The following NTRK3 variants were observed in gnomAD, a reference collection of about 807,000 sequenced individuals.
The protein encoded by NTRK3 is NT-3 growth factor receptor.
In NTRK3, 24 loss-of-function variants were observed where a neutral mutation model predicts 91.7. That is an observed-to-expected ratio of 0.26 (90% confidence interval 0.19 to 0.37). The LOEUF (loss-of-function observed/expected upper bound fraction) is 0.37, where lower values mean the gene tolerates loss of function less well. Among genes scored for constraint, NTRK3 ranks in the 10% least tolerant of loss-of-function variants. The pLI is 1.00. For synonymous variants in NTRK3, 483 were observed against 404.0 expected, an observed-to-expected ratio of 1.20 and a Z score of -2.34; for missense variants, 880 against 1,068.9, an observed-to-expected ratio of 0.82 and a Z score of 2.46.
chr15:87,938,190 A>G (rs956846735), intron 15 of NTRK3, among the ~76,000 whole-genome samples: 9 of 152,246 alleles, frequency 5.9e-5, no homozygotes, highest in African/African-American at 2.2e-4. Context: ...CCCTCTCCCC[A>G]GCAGGCTGTA....
At chr15:88,103,474 G>C (rs1402744454) in intron 13 of NTRK3, among the ~76,000 whole-genome samples, 1 of 152,176 alleles carries the variant, frequency 6.6e-6, no homozygotes, top group Admixed American at 6.5e-5. Flanking sequence ...TGGTATGAGA[G>C]AGGCAGAGAA....
At chr15:87,977,414 T>G (rs751511620) in intron 14 of NTRK3, 1 of 208,226 alleles carries the variant, frequency 4.8e-6, no homozygotes, top group Non-Finnish European at 9.8e-6. Context: ...TGAACACTCC[T>G]ATAAGTCTCT....
intron 17 of NTRK3, among the ~76,000 whole-genome samples, chr15:87,914,499 A>T (rs1277739414): frequency 6.6e-6 from 1 of 152,224 alleles, no homozygotes; most frequent in Non-Finnish European, 1.5e-5. Context: ...AAGTGGGGAC[A>T]TTACTCTTTT....
intron 14 of NTRK3, among the ~76,000 whole-genome samples, chr15:88,015,389 G>T (rs2077159142): frequency 1.3e-5 from 2 of 151,824 alleles, no homozygotes; most frequent in African/African-American, 4.8e-5. Flanking sequence ...CTCCAGCCCT[G>T]CCCCCACCAA....
intron 6 of NTRK3, among the ~76,000 whole-genome samples, chr15:88,139,810 C>T (rs978520930): frequency 6.6e-6 from 1 of 151,816 alleles, no homozygotes; most frequent in Admixed American, 6.6e-5. Flanking sequence ...ATGCACTCTC[C>T]ACCCCATCTG....
chr15:88,205,546 C>T (rs1403004470), intron 3 of NTRK3, among the ~76,000 whole-genome samples: 1 of 152,120 alleles, frequency 6.6e-6, no homozygotes, highest in Non-Finnish European at 1.5e-5. Flanking sequence ...GTATATCATC[C>T]TAGGGATACA....
exon 10 of NTRK3, chr15:88,135,345 G>A (rs757801369): frequency 1.2e-6 from 2 of 1,614,222 alleles, no homozygotes; most frequent in Non-Finnish European, 1.7e-6. Context: ...CAAACTCGAT[G>A]CAGTGCTCCA....
intron 14 of NTRK3, among the ~76,000 whole-genome samples, chr15:87,982,592 G>C (rs2074382852): frequency 1.3e-5 from 2 of 152,312 alleles, no homozygotes; most frequent in African/African-American, 4.8e-5. Context: ...AAGCAAGCCA[G>C]AGGCTCTGGG....
At chr15:87,929,236 C>G (rs2068583487) in exon 17 of NTRK3, 1 of 1,614,070 alleles carries the variant, frequency 6.2e-7, no homozygotes, top group Admixed American at 1.7e-5. Context: ...TGCCGAAGTC[C>G]CCAATCTTCA....
chr15:88,058,303 T>C (rs1192575735), intron 13 of NTRK3, among the ~76,000 whole-genome samples: 1 of 152,218 alleles, frequency 6.6e-6, no homozygotes, highest in Non-Finnish European at 1.5e-5. Flanking sequence ...TTGGGGAGGT[T>C]ACTTAACGTC....
intron 17 of NTRK3, among the ~76,000 whole-genome samples, chr15:87,901,810 G>A (rs1235650380): frequency 6.6e-6 from 1 of 151,838 alleles, no homozygotes; most frequent in Non-Finnish European, 1.5e-5. Flanking sequence ...AAAAAGGAGA[G>A]GAAGAGGTTA....
At chr15:87,918,558 A>T (rs1021845148) in intron 17 of NTRK3, among the ~76,000 whole-genome samples, 1 of 152,120 alleles carries the variant, frequency 6.6e-6, no homozygotes, top group African/African-American at 2.4e-5. Flanking sequence ...ACCCCTCAAG[A>T]CCCATGCCAT....
At chr15:87,891,545 TTA>T (rs1336268436) in intron 17 of NTRK3, among the ~76,000 whole-genome samples, 1 of 152,172 alleles carries the variant, frequency 6.6e-6, no homozygotes, top group Admixed American at 6.5e-5. Context: ...TGGTTTTAGT[TTA>T]TCTTTCCATT....
chr15:88,152,864 C>G (rs529285820), intron 5 of NTRK3, among the ~76,000 whole-genome samples: 14 of 152,338 alleles, frequency 9.2e-5, no homozygotes, highest in African/African-American at 3.1e-4. Flanking sequence ...TGCCCACCCC[C>G]TGGGTGTACT....
At chr15:87,909,506 A>G (rs982140586) in intron 17 of NTRK3, among the ~76,000 whole-genome samples, 2 of 152,186 alleles carry the variant, frequency 1.3e-5, no homozygotes, top group Admixed American at 1.3e-4. Flanking sequence ...CATCCAGTGA[A>G]GACAATGAAA....
chr15:88,165,888 C>T (rs936510737), intron 5 of NTRK3, among the ~76,000 whole-genome samples: 2 of 152,256 alleles, frequency 1.3e-5, no homozygotes, highest in African/African-American at 4.8e-5. Flanking sequence ...TGCACATGCG[C>T]ATGAGCAAGA....
At chr15:87,892,113 C>CACACACACACAG (rs1555430907) in intron 17 of NTRK3, among the ~76,000 whole-genome samples, 1 of 151,062 alleles carries the variant, frequency 6.6e-6, no homozygotes, top group African/African-American at 2.4e-5. Flanking sequence ...CACACACACA[C>CACACACACACAG]GCACGCACAC....
At chr15:87,880,225 T>A (rs2065168298) in intron 18 of NTRK3, 45 bp downstream of exon 19, 3 of 1,613,114 alleles carry the variant, frequency 1.9e-6, no homozygotes, top group Non-Finnish European at 2.5e-6. Context: ...AGATAGCTCT[T>A]ATGAGCCCTC....
Position 87,877,322 on chromosome 15 carries a change from G to C in NTRK3, c.2293-202C>G, listed in dbSNP as rs146026662. ...CACAGTGCAGTGAGCAGCAGTGGCT[G>C]GTGGAGTCCTCTGCTGCCCTTCATA... On this transcript the variant is annotated intron_variant, in intron 18 of 18. Coordinates refer to ENST00000394480, the Ensembl canonical transcript of NTRK3. Among the ~76,000 whole-genome samples, 5 of 152,294 alleles carry C rather than the reference G, an allele frequency of 3.3e-5. No homozygotes were observed. The East Asian group carries it at 9.7e-4, about 29-fold the overall frequency.
Sources: allele counts gnomAD v4.1 joint callset (sites outside exome capture counted in the v4.1 genomes callset), GRCh38; gene constraint gnomAD v4.1.1; transcripts MANE v1.5; gene names NCBI Gene and HGNC (gene_info 2026-07-23, HGNC 2026-07-21).